Variants in AKAP9 observed in about 807,000 individuals in gnomAD.
AKAP9 encodes A-kinase anchoring protein 9, also known as A-kinase anchor protein 9.
In AKAP9, 311 loss-of-function variants were observed where a neutral mutation model predicts 488.5. The observed-to-expected ratio is 0.64, with a 90% CI of 0.58 to 0.70. The LOEUF (loss-of-function observed/expected upper bound fraction) is 0.70. Ranked by LOEUF, AKAP9 falls within the 30% of genes least tolerant of loss-of-function variation. The pLI is 0.00. For missense variants in AKAP9, 4,215 were observed against 4,374.5 expected, an observed-to-expected ratio of 0.96 and a Z score of 1.03; for synonymous variants, 1,462 against 1,483.5, an observed-to-expected ratio of 0.99 and a Z score of 0.33.
At chr7:92,093,063 A>G in intron 38 of AKAP9, 34 bp from the exon 39 acceptor site, 2 of 1,563,012 alleles carry the variant, frequency 1.3e-6, no homozygotes, top group Non-Finnish European at 1.8e-6. Context: ...GAGTTGCTTG[A>G]TTATGTTTCA....
chr7:92,008,933 C>T (rs909441096), intron 8 of AKAP9, among the ~76,000 whole-genome samples: 2 of 149,034 alleles, frequency 1.3e-5, no homozygotes, highest in African/African-American at 5.0e-5. Context: ...TTGCAGTGAG[C>T]TGAAATCACA....
chr7:92,089,547 C>G lies in AKAP9; in HGVS notation c.9358+18C>G. 1.9e-6 allele frequency: 3 copies of G among 1,611,282 alleles called. No homozygotes were observed. Among genetic ancestry groups the G allele is most frequent in the Non-Finnish European group, 2.5e-6 (3 of 1,178,298 alleles). On this transcript the variant is annotated intron_variant, in intron 38 of 49. Transcript: ENST00000356239. The stretch of plus-strand genomic sequence containing the variant: ...AAGCCAAGGTATGTTGTATGACAAG[C>G]TCATATGGTTACACAAACAGGTGAA...
intron 24 of AKAP9, among the ~76,000 whole-genome samples, chr7:92,062,796 T>A (rs1810114009): frequency 6.6e-6 from 1 of 152,108 alleles, no homozygotes; most frequent in African/African-American, 2.4e-5. Context: ...TGTGTAAGGT[T>A]TAGTTCTAAT....
chr7:92,082,017 A>G (rs969702503), intron 31 of AKAP9, among the ~76,000 whole-genome samples: 2 of 152,092 alleles, frequency 1.3e-5, no homozygotes, highest in Non-Finnish European at 2.9e-5. Flanking sequence ...CCCAGGCTGA[A>G]GTTTAGTGGC....
At chr7:92,056,717 A>T (rs1035764533) in intron 22 of AKAP9, among the ~76,000 whole-genome samples, 6 of 151,820 alleles carry the variant, frequency 4.0e-5, no homozygotes, top group African/African-American at 1.5e-4. Context: ...CTCTGCCCTA[A>T]TTATTAGTCT....
At chr7:92,031,208 A>T (rs1463692663) in intron 15 of AKAP9, among the ~76,000 whole-genome samples, 1 of 152,188 alleles carries the variant, frequency 6.6e-6, no homozygotes, top group Non-Finnish European at 1.5e-5. Flanking sequence ...CTGTACACAC[A>T]TATATATTTT....
At chr7:91,988,066 G>C (rs185215686) in intron 3 of AKAP9, among the ~76,000 whole-genome samples, 1 of 152,000 alleles carries the variant, frequency 6.6e-6, no homozygotes, top group African/African-American at 2.4e-5. Context: ...TGTAGTCCCA[G>C]CTACTTGGGA....
chr7:91,964,986 A>C lies in AKAP9; in HGVS notation c.49-8725A>C, dbSNP rs538820278. On this transcript the variant is annotated intron_variant, in intron 1 of 49. Coordinates refer to ENST00000356239, the MANE Select transcript of AKAP9 (RefSeq NM_005751.5). ...TCATATAGTTTGTAAGGATCAAATC[A>C]GTGTAATTGGGATGTCCGTTAGCTT... Among the ~76,000 whole-genome samples the C allele has an allele frequency of 1.5e-3, 225 of 152,328 alleles. 1 individual carries two copies. The highest frequency in any genetic ancestry group is 5.2e-3 in the African/African-American group (216 of 41,584).
At chr7:92,099,440 A>G (rs1043443250) in intron 43 of AKAP9, among the ~76,000 whole-genome samples, 1 of 152,212 alleles carries the variant, frequency 6.6e-6, no homozygotes, top group African/African-American at 2.4e-5. Context: ...CATAAAGTGA[A>G]GCAATCTAGA....
intron 1 of AKAP9, among the ~76,000 whole-genome samples, chr7:91,953,886 T>C (rs1000626678): frequency 6.6e-6 from 1 of 150,644 alleles, no homozygotes; most frequent in South Asian, 2.1e-4. Context: ...TGTTATGTTG[T>C]ACAAATGAAG....
intron 7 of AKAP9, 111 bp downstream of exon 7, chr7:91,995,911 A>G: frequency 1.3e-6 from 1 of 762,908 alleles, no homozygotes; most frequent in South Asian, 1.7e-5. Context: ...TTTCATAATT[A>G]AGCTCTTTGT....
intron 17 of AKAP9, among the ~76,000 whole-genome samples, chr7:92,039,935 A>C (rs966296021): frequency 2.0e-5 from 3 of 152,236 alleles, no homozygotes; most frequent in African/African-American, 4.8e-5. Context: ...AGGTGGTGCC[A>C]CTGCACTCCA....
intron 3 of AKAP9, among the ~76,000 whole-genome samples, chr7:91,982,166 CGTATGTAT>C (rs201231009): frequency 0.023 from 3,388 of 150,344 alleles, 47 homozygotes; most frequent in Non-Finnish European, 0.03. Flanking sequence ...ATTTTACGTA[CGTATGTAT>C]GTATGTATGT....
At position 92,022,997 on chromosome 7, in the gene AKAP9, C is replaced by G; in HGVS notation, c.4136C>G (p.Thr1379Arg). Residue 1379 changes from threonine to arginine, a missense_variant, in exon 14 of 50, where the codon ACG becomes AGG. This residue lies in a region of AKAP9 where 2,361 missense variants were observed against 2,430.0 expected (regional missense o/e 0.97). Coordinates refer to ENST00000356239, the MANE Select transcript of AKAP9 (RefSeq NM_005751.5). ...QKRLQAVSES[T>R]VPPSLPVDSV... The stretch of plus-strand genomic sequence containing the variant: ...AGGCTTCAAGCTGTTAGTGAGTCCA[C>G]GGTTCCGCCAAGGTATTCATCTGCT... 1 of 1,613,584 alleles carries G rather than the reference C, an allele frequency of 6.2e-7. No individual in the cohort carries two copies. Among genetic ancestry groups the G allele is most frequent in the Middle Eastern group, 1.7e-4 (1 of 6,060 alleles).
chr7:91,944,203 A>G (rs142217041), intron 1 of AKAP9, among the ~76,000 whole-genome samples: 271 of 152,254 alleles, frequency 1.8e-3, no homozygotes, highest in African/African-American at 6.1e-3. Context: ...GGTTAAAAAG[A>G]AAAAAGTTAC....
In AKAP9 at chr7:92,002,139, T is replaced by C; in HGVS notation, c.2222T>C (p.Leu741Pro). The C allele has an allele frequency of 6.3e-7, 1 of 1,593,696 alleles. No homozygotes were observed. The highest frequency in any genetic ancestry group is 8.5e-7 in the Non-Finnish European group (1 of 1,174,012). Residue 741 changes from leucine to proline, a missense_variant, in exon 8 of 50, where the codon CTT (leucine) becomes CCT (proline). Physicochemically the swap from Leu to Pro is moderately conservative, Grantham distance 98. This residue lies in a region of AKAP9 where 2,361 missense variants were observed against 2,430.0 expected (regional missense o/e 0.97). Transcript: ENST00000356239. ...LRQEEKEKGTLEQEVQELQLK... is the reference protein window; with the variant it reads ...LRQEEKEKGTPEQEVQELQLK... ...CAAGAAGAAAAAGAAAAGGGTACAC[T>C]TGAACAAGAAGTTCAAGAATTACAA...
rs1803939543 is a variant in AKAP9 at position 92,029,905 on chromosome 7, G to A, written c.4159G>A (p.Asp1387Asn). ...ESTVPPSLPV[D>N]SVVITESDAQ... is the part of the protein sequence containing the mutation. ...TTTATTTATATTCAGCTTACCTGTTGATTCGGTGGTAATTACAGAATCTGA... is the reference window on the plus strand; with the variant it reads ...TTTATTTATATTCAGCTTACCTGTTAATTCGGTGGTAATTACAGAATCTGA... The change falls in exon 15 of 50, where the codon GAT becomes AAT. Residue 1387 changes from aspartate (D) to asparagine (N), a missense_variant. This residue lies in a region of AKAP9 where 2,361 missense variants were observed against 2,430.0 expected (regional missense o/e 0.97). Coordinates refer to ENST00000356239, the MANE Select transcript of AKAP9 (RefSeq NM_005751.5). 6.2e-7 allele frequency: 1 copy of A among 1,612,112 alleles called. No homozygotes were observed. Among genetic ancestry groups the A allele is most frequent in the Non-Finnish European group, 8.5e-7 (1 of 1,178,526 alleles).
In AKAP9 at chr7:92,095,029, A is replaced by G; in HGVS notation, c.9585A>G (p.Glu3195=). Residue 3195 remains glutamate, a synonymous_variant, in exon 40 of 50, where the codon GAA becomes GAG. Transcript: ENST00000356239. The part of the protein sequence containing the change: ...HLKELEAFRL[E]VKDKTDEVHL... ...ATTTGTCTTTCTGACTTAGGTTGGAAGTTAAAGATAAGACAGATGAAGTAC... is the reference window on the plus strand; with the variant it reads ...ATTTGTCTTTCTGACTTAGGTTGGAGGTTAAAGATAAGACAGATGAAGTAC... 6.2e-7 allele frequency: 1 copy of G among 1,613,974 alleles called. No homozygotes were observed. Among genetic ancestry groups the G allele is most frequent in the South Asian group, 1.1e-5 (1 of 91,072 alleles).
In AKAP9 at chr7:92,016,275, A is replaced by G. The variant is rs1461578896; in HGVS notation, c.3751+8A>G. The stretch of plus-strand genomic sequence containing the variant: ...ATAGATATGAAGTTCAAGGTAATAA[A>G]AGCTTACCATACTATTAAACAGTAT... On this transcript the variant is annotated splice_region_variant and intron_variant, in intron 11 of 49. Transcript: ENST00000356239. The G allele has an allele frequency of 6.6e-7, 1 of 1,505,408 alleles. No individual in the cohort carries two copies. Among genetic ancestry groups the G allele is most frequent in the African/African-American group, 1.4e-5 (1 of 72,538 alleles). The allele number at this position is 1,505,408 out of a possible 1,614,324, so 93.3% of individuals were successfully genotyped here.
Sources: gnomAD v4.1 joint callset for allele counts (sites outside exome capture counted in the v4.1 genomes callset) on GRCh38, gnomAD v4.1.1 for gene constraint, gnomAD v4.1.1 regional missense constraint, MANE v1.5 for transcripts, NCBI Gene and HGNC (gene_info 2026-07-23, HGNC 2026-07-21) for gene names.